Variants in SLC2A9 observed in about 807,000 individuals in gnomAD.
SLC2A9 encodes solute carrier family 2, facilitated glucose transporter member 9.
Under a neutral mutation model 50.6 loss-of-function variants are expected in SLC2A9, and 39 were observed. The ratio of observed to expected loss-of-function variants is 0.77; its 90% CI spans 0.60 to 1.01. The LOEUF is 1.01. Ranked by LOEUF, SLC2A9 falls within the 50% of genes least tolerant of loss-of-function variation. The probability of loss-of-function intolerance (pLI) is 0.00; values close to 1 mark genes in which losing one functional copy is unlikely to be tolerated. For missense variants in SLC2A9, 686 were observed against 677.6 expected (o/e 1.01, Z -0.14); for synonymous variants, 324 against 276.9 (o/e 1.17, Z -1.69).
intron 6 of SLC2A9, among the ~76,000 whole-genome samples, chr4:9,932,048 C>T (rs1308853820): frequency 7.1e-6 from 1 of 140,592 alleles, no homozygotes; most frequent in Non-Finnish European, 1.5e-5. Flanking sequence ...CTCTCCAGAA[C>T]AGAGGTAGAA....
rs374264038 is a variant in SLC2A9 at position 9,992,138 on chromosome 4, T to C, written c.410+4643A>G. 4.7e-4 allele frequency among the ~76,000 whole-genome samples: 72 copies of C among 152,336 alleles called. No homozygotes were observed. The South Asian group carries it at 0.014, about 29-fold the overall frequency. ...GCTCACCGAACCTCCATCCTTCTTC[T>C]GGGAGGAGTTCCTCAAATTTCCACC... On this transcript the variant is annotated intron_variant, in intron 3 of 11. Coordinates refer to ENST00000264784, the MANE Select transcript of SLC2A9 (RefSeq NM_020041.3).
chr4:9,993,368 C>T (rs1758046243), intron 3 of SLC2A9, among the ~76,000 whole-genome samples: 4 of 152,240 alleles, frequency 2.6e-5, no homozygotes, highest in Admixed American at 6.5e-5. Flanking sequence ...CAAATAAAGC[C>T]AATGAGGTTG....
chr4:10,026,386 T>C (rs1186550282), upstream of SLC2A9, among the ~76,000 whole-genome samples: 3 of 152,222 alleles, frequency 2.0e-5, no homozygotes, highest in East Asian at 3.9e-4. Flanking sequence ...GTGGAGAAAT[T>C]GGAACCCTTG....
chr4:9,996,258 C>G (rs1168522338), intron 3 of SLC2A9, among the ~76,000 whole-genome samples: 1 of 152,220 alleles, frequency 6.6e-6, no homozygotes, highest in Non-Finnish European at 1.5e-5. Context: ...GGAAGACTGT[C>G]TAAGCAGTCA....
intron 6 of SLC2A9, among the ~76,000 whole-genome samples, chr4:9,931,954 CTCTCTCTCTATATATA>C (rs1434531732): frequency 8.5e-4 from 43 of 50,538 alleles, no homozygotes; most frequent in South Asian, 2.7e-3. Flanking sequence ...CTCTCTCTCT[CTCTCTCTCTATATATA>C]TATATATATA....
At chr4:10,016,420 G>A (rs1017380546) in intron 2 of SLC2A9, among the ~76,000 whole-genome samples, 2 of 152,316 alleles carry the variant, frequency 1.3e-5, no homozygotes, top group South Asian at 4.1e-4. Context: ...GGTGCACTGA[G>A]CTGATTAACG....
rs369566814 is a variant in SLC2A9, at chr4:9,950,765, C to T, written c.682-8720G>A. Among the ~76,000 whole-genome samples, 296 of 92,722 alleles carry T rather than the reference C, an allele frequency of 3.2e-3. 81 individuals carry two copies. The South Asian group carries it at 0.079, about 25-fold the overall frequency. The allele number at this position is 92,722 out of a possible 152,430, so 60.8% of individuals were successfully genotyped here. A position where few individuals can be genotyped will look rare whatever the true frequency, so the allele number is the denominator to read the frequency against. The stretch of plus-strand genomic sequence containing the variant: ...AAAATTAGCCGGGCGTGGTAGCGGG[C>T]GCCTGTAGTCTCAGCTACTCGGGAG... On this transcript the variant is annotated intron_variant, in intron 5 of 11. Transcript: ENST00000264784.
intron 3 of SLC2A9, among the ~76,000 whole-genome samples, chr4:9,992,542 C>G (rs1373732843): frequency 1.3e-5 from 2 of 152,154 alleles, no homozygotes; most frequent in Non-Finnish European, 2.9e-5. Context: ...ACGCATGCAA[C>G]CTCGCTCAAG....
In SLC2A9 at chr4:9,834,938, T is replaced by C. The variant is rs369819275; in HGVS notation, c.1362A>G (p.Ala454=). The C allele has an allele frequency of 1.3e-5, 21 of 1,613,956 alleles. No individual in the cohort carries two copies. The highest frequency in any genetic ancestry group is 8.5e-7 in the Non-Finnish European group (1 of 1,180,042). The change falls in exon 11 of 12, where the codon GCA becomes GCG. Residue 454 remains alanine (A), a synonymous_variant. Transcript: ENST00000264784. The stretch of plus-strand genomic sequence containing the variant: ...AGTTGGAGAGCCAGTTGACGGTGCC[T>C]GCAATGATGAAGGCAGCCGGCCGCT... ...QSQRPAAFII[A]GTVNWLSNFA... is the part of the protein sequence containing the mutation.
rs150424642 is a variant in SLC2A9 at position 9,834,042 on chromosome 4, T to C, written c.1419+839A>G. On this transcript the variant is annotated intron_variant, in intron 11 of 11. Transcript: ENST00000264784. ...TCTTGCTCACTCTGTTTCAGTCATA[T>C]AGGCCTCTGGGTGGTTTCTTACACA... is the stretch of plus-strand genomic sequence containing the variant. Among the ~76,000 whole-genome samples, 445 of 152,326 alleles carry C rather than the reference T, an allele frequency of 2.9e-3. 2 individuals carry two copies. Among genetic ancestry groups the C allele is most frequent in the African/African-American group, 0.01 (420 of 41,584 alleles).
At chr4:9,827,835 G>A (rs565253491) in intron 11 of SLC2A9, among the ~76,000 whole-genome samples, 28 of 152,278 alleles carry the variant, frequency 1.8e-4, no homozygotes, top group African/African-American at 6.3e-4. Context: ...GAAGCCAGTC[G>A]AGTGGGATTC....
intron 10 of SLC2A9, among the ~76,000 whole-genome samples, chr4:9,863,131 T>C (rs899658293): frequency 6.6e-6 from 1 of 151,996 alleles, no homozygotes; most frequent in African/African-American, 2.4e-5. Flanking sequence ...TAGTACCTGA[T>C]ACATAGTATG....
At chr4:9,859,207 C>T (rs1233851498) in intron 10 of SLC2A9, among the ~76,000 whole-genome samples, 1 of 149,460 alleles carries the variant, frequency 6.7e-6, no homozygotes. Context: ...AACTTGTTTT[C>T]ATATATACAT....
intron 2 of SLC2A9, among the ~76,000 whole-genome samples, chr4:10,003,444 T>C (rs1181411800): frequency 6.6e-6 from 1 of 152,216 alleles, no homozygotes; most frequent in African/African-American, 2.4e-5. Context: ...TGGAAGTTTC[T>C]TACTGTGACG....
chr4:9,872,357 C>T (rs1313573120), intron 10 of SLC2A9, among the ~76,000 whole-genome samples: 1 of 152,134 alleles, frequency 6.6e-6, no homozygotes, highest in Admixed American at 6.5e-5. Flanking sequence ...GTCACATTGT[C>T]AGCTCAAGGT....
intron 1 of SLC2A9, among the ~76,000 whole-genome samples, chr4:9,773,453 T>A (rs1486797938): frequency 6.6e-6 from 1 of 152,230 alleles, no homozygotes; most frequent in Non-Finnish European, 1.5e-5. Flanking sequence ...TCCATTTGTG[T>A]CAGTGAAGCA....
At chr4:10,016,733 G>A (rs1475273328) in intron 2 of SLC2A9, among the ~76,000 whole-genome samples, 1 of 151,986 alleles carries the variant, frequency 6.6e-6, no homozygotes, top group Non-Finnish European at 1.5e-5. Context: ...AATAAATAAG[G>A]AGGCACGTGT....
intron 10 of SLC2A9, among the ~76,000 whole-genome samples, chr4:9,872,898 C>T (rs1168573453): frequency 6.6e-6 from 1 of 152,236 alleles, no homozygotes; most frequent in African/African-American, 2.4e-5. Flanking sequence ...ATTTGACTTT[C>T]AGCAATGTGA....
intron 10 of SLC2A9, among the ~76,000 whole-genome samples, chr4:9,863,928 T>TG (rs1732043108): frequency 6.6e-6 from 1 of 152,138 alleles, no homozygotes; most frequent in African/African-American, 2.4e-5. Context: ...CAACTCTTGA[T>TG]GCTGTTGCAG....
Sources: gnomAD v4.1 joint callset for allele counts (sites outside exome capture counted in the v4.1 genomes callset) on GRCh38, gnomAD v4.1.1 for gene constraint, MANE v1.5 for transcripts, NCBI Gene and HGNC (gene_info 2026-07-23, HGNC 2026-07-21) for gene names.